Variants in RASA3 observed in about 807,000 individuals in gnomAD.
RASA3 encodes ras GTPase-activating protein 3.
Under a neutral mutation model 110.0 loss-of-function variants are expected in RASA3, and 73 were observed. The observed-to-expected ratio is 0.66, with a 90% CI of 0.55 to 0.81. The LOEUF is 0.81. RASA3 is among the 30% of genes least tolerant of loss of function. RASA3 has a pLI of 0.00. For synonymous variants in RASA3, 500 were observed against 451.4 expected, an observed-to-expected ratio of 1.11 and a Z score of -1.37; for missense variants, 976 against 1,113.2, an observed-to-expected ratio of 0.88 and a Z score of 1.75.
chr13:114,054,420 G>A (rs904219040), intron 2 of RASA3, among the ~76,000 whole-genome samples: 14 of 148,730 alleles, frequency 9.4e-5, no homozygotes, highest in Admixed American at 6.7e-4. Context: ...TGGGGCGGGC[G>A]ACTGTTGCTG....
At chr13:113,995,121 C>A (rs2053201912) in intron 21 of RASA3, among the ~76,000 whole-genome samples, 1 of 152,236 alleles carries the variant, frequency 6.6e-6, no homozygotes, top group African/African-American at 2.4e-5. Flanking sequence ...TGAGCAAACT[C>A]GGCAGACGTG....
chr13:113,999,378 G>A (rs1225144345), intron 20 of RASA3, among the ~76,000 whole-genome samples: 10 of 151,682 alleles, frequency 6.6e-5, no homozygotes, highest in Non-Finnish European at 1.2e-4. Context: ...CGGTGACCCC[G>A]GGCACAGAGA....
At chr13:114,100,098 C>T (rs568711311) in intron 1 of RASA3, among the ~76,000 whole-genome samples, 10 of 150,480 alleles carry the variant, frequency 6.6e-5, no homozygotes, top group South Asian at 2.1e-4. Flanking sequence ...GGTGGAGAGA[C>T]CACACTGCCA....
intron 20 of RASA3, among the ~76,000 whole-genome samples, chr13:113,997,312 C>T (rs1021341368): frequency 1.3e-5 from 2 of 152,174 alleles, no homozygotes; most frequent in Admixed American, 1.3e-4. Flanking sequence ...GACTGAGCAC[C>T]AGCACTCTCC....
chr13:114,015,603 A>G (rs1401231192), intron 13 of RASA3, among the ~76,000 whole-genome samples: 3 of 152,244 alleles, frequency 2.0e-5, no homozygotes, highest in Non-Finnish European at 4.4e-5. Context: ...CGTTCACTAG[A>G]ATGTGCCTGC....
intron 16 of RASA3, among the ~76,000 whole-genome samples, chr13:114,010,224 G>T (rs1343402082): frequency 6.6e-6 from 1 of 152,130 alleles, no homozygotes; most frequent in African/African-American, 2.4e-5. Flanking sequence ...CTCCAGTGGG[G>T]GCCTCTGCTC....
intron 1 of RASA3, among the ~76,000 whole-genome samples, chr13:114,125,421 C>T (rs745820710): frequency 1.2e-4 from 19 of 152,158 alleles, no homozygotes; most frequent in Non-Finnish European, 1.8e-4. Flanking sequence ...GTGTCTCACA[C>T]GGCGAGAGCG....
At chr13:113,991,177 G>A (rs8002730) in intron 22 of RASA3, among the ~76,000 whole-genome samples, 91 of 19,134 alleles carry the variant, frequency 4.8e-3, no homozygotes, top group African/African-American at 0.043. Context: ...GGGCAGCTGT[G>A]CGGACACCCA....
chr13:114,124,208 CA>C (rs2080416764), intron 1 of RASA3, among the ~76,000 whole-genome samples: 2 of 152,178 alleles, frequency 1.3e-5, no homozygotes, highest in Non-Finnish European at 2.9e-5. Flanking sequence ...GTGATTGTTC[CA>C]AATGTGGGAT....
chr13:114,079,861 C>T (rs540037205), intron 1 of RASA3, among the ~76,000 whole-genome samples: 3 of 152,068 alleles, frequency 2.0e-5, no homozygotes, highest in East Asian at 3.9e-4. Flanking sequence ...CTCCGTGGGA[C>T]GAGGCTGCAC....
intron 16 of RASA3, among the ~76,000 whole-genome samples, chr13:114,010,246 C>G (rs376337837): frequency 6.6e-6 from 1 of 152,138 alleles, no homozygotes; most frequent in Non-Finnish European, 1.5e-5. Flanking sequence ...CCAAAGCCCT[C>G]ATTTCTACCT....
At chr13:114,018,987 G>A (rs952010126) in intron 9 of RASA3, 68 bp from the exon 10 acceptor site, 2 of 1,586,432 alleles carry the variant, frequency 1.3e-6, no homozygotes, top group Non-Finnish European at 1.7e-6. Context: ...TCTCAGGGAA[G>A]CCCAGCTGCC....
Position 114,013,383 on chromosome 13 carries a change from C to CTCTTCCTCTCTCTG in RASA3, c.1406-136_1406-135insCAGAGAGAGGAAGA, listed in dbSNP as rs1555328553. 7 of 554,416 alleles carry CTCTTCCTCTCTCTG rather than the reference C, an allele frequency of 1.3e-5. No homozygotes were observed. In the Admixed American group the frequency reaches 1.6e-4, roughly 13 times the overall value. The allele number at this position is 554,416 out of a possible 1,614,324, so 34.3% of individuals were successfully genotyped here. A position where few individuals can be genotyped will look rare whatever the true frequency, so the allele number is the denominator to read the frequency against. On this transcript the variant is annotated intron_variant, in intron 14 of 23. Coordinates refer to ENST00000334062, the MANE Select transcript of RASA3 (RefSeq NM_007368.4). ...GCTCTATCTCCACCTGTGTCTGTCT[C>CTCTTCCTCTCTCTG]TCTCCCTCTCTCTGTTTCCCTCTCT...
At chr13:114,051,891 G>T (rs528766126) in intron 3 of RASA3, among the ~76,000 whole-genome samples, 161 bp downstream of exon 3, 30 of 152,336 alleles carry the variant, frequency 2.0e-4, no homozygotes, top group Middle Eastern at 3.4e-3. Context: ...TGCCAGGCCA[G>T]ATCCCAAGAG....
At chr13:114,083,436 C>T (rs2079813158) in intron 1 of RASA3, among the ~76,000 whole-genome samples, 1 of 152,264 alleles carries the variant, frequency 6.6e-6, no homozygotes, top group African/African-American at 2.4e-5. Flanking sequence ...TCAGAGGCAC[C>T]CACACCTCCA....
At chr13:114,002,496 G>C (rs1205728788) in intron 18 of RASA3, among the ~76,000 whole-genome samples, 1 of 151,828 alleles carries the variant, frequency 6.6e-6, no homozygotes, top group African/African-American at 2.4e-5. Context: ...GACGGGGGTT[G>C]GGGGGGGACT....
At position 114,072,364 on chromosome 13, in the gene RASA3, G is replaced by A. The variant is rs570192350; in HGVS notation, c.173+1356C>T. Reference sequence around the variant, plus strand: ...CACATCTTCACACGCTCAAGTTGAGGGGGAAACTTGTTGATTTTAAGAGTT... The same window carrying A: ...CACATCTTCACACGCTCAAGTTGAGAGGGAAACTTGTTGATTTTAAGAGTT... On this transcript the variant is annotated intron_variant, in intron 2 of 23. Coordinates refer to ENST00000334062, the MANE Select transcript of RASA3 (RefSeq NM_007368.4). Among the ~76,000 whole-genome samples the A allele has an allele frequency of 1.1e-4, 17 of 152,286 alleles. No individual in the cohort carries two copies. In the East Asian group the frequency reaches 1.9e-3, roughly 17 times the overall value.
chr13:114,018,037 G>T, intron 11 of RASA3, 67 bp downstream of exon 11: 1 of 1,416,250 alleles, frequency 7.1e-7, no homozygotes, highest in South Asian at 1.6e-5. Flanking sequence ...CGTGGTTCTC[G>T]GCGACGACCT....
intron 1 of RASA3, among the ~76,000 whole-genome samples, chr13:114,095,241 T>C (rs2139718172): frequency 6.6e-6 from 1 of 152,316 alleles, no homozygotes; most frequent in East Asian, 1.9e-4. Context: ...CTGCAATTAT[T>C]TTTTATTGAG....
Sources: allele counts gnomAD v4.1 joint callset (sites outside exome capture counted in the v4.1 genomes callset), GRCh38; gene constraint gnomAD v4.1.1; transcripts MANE v1.5; gene names NCBI Gene and HGNC (gene_info 2026-07-23, HGNC 2026-07-21).